PCDHGA3: variants seen among roughly 807,000 people sequenced by gnomAD.
PCDHGA3 encodes the protein protocadherin gamma subfamily A, 3, also known as protocadherin gamma-A3.
In PCDHGA3, 40 loss-of-function variants were observed where a neutral mutation model predicts 58.5. The ratio of observed to expected loss-of-function variants is 0.68; its 90% CI spans 0.53 to 0.89. PCDHGA3 has a LOEUF of 0.89. Among genes scored for constraint, PCDHGA3 ranks in the 40% least tolerant of loss-of-function variants. PCDHGA3 has a pLI of 0.00. For synonymous variants in PCDHGA3, 530 were observed against 525.7 expected, an observed-to-expected ratio of 1.01 and a Z score of -0.11; for missense variants, 1,223 against 1,195.9, an observed-to-expected ratio of 1.02 and a Z score of -0.33.
chr5:141,382,530 G>T (rs1043069134), intron 1 of PCDHGA3, among the ~76,000 whole-genome samples: 2 of 152,150 alleles, frequency 1.3e-5, no homozygotes, highest in Non-Finnish European at 2.9e-5. Context: ...GTCTTAAAAT[G>T]GATTTTTAAT....
At chr5:141,356,527 A>T in intron 1 of PCDHGA3, 1 of 1,614,104 alleles carries the variant, frequency 6.2e-7, no homozygotes, top group Non-Finnish European at 8.5e-7. Flanking sequence ...ACTGCAAGTG[A>T]TGGACATCAA....
At chr5:141,385,430 A>G (rs1781192913) in intron 1 of PCDHGA3, 1 of 1,458,668 alleles carries the variant, frequency 6.9e-7, no homozygotes. Context: ...AAAACTTTAT[A>G]GAGGTAAAAA....
At chr5:141,389,605 A>T in intron 1 of PCDHGA3, 1 of 1,613,092 alleles carries the variant, frequency 6.2e-7, no homozygotes, top group Non-Finnish European at 8.5e-7. Context: ...GCGCTCTTCG[A>T]TATGGTGCCG....
chr5:141,371,774 T>A, intron 1 of PCDHGA3: 1 of 1,614,000 alleles, frequency 6.2e-7, no homozygotes, highest in Non-Finnish European at 8.5e-7. Flanking sequence ...ACACCGTGCA[T>A]GTAGCTGAGA....
rs1195316502 is a variant in PCDHGA3 at position 141,431,006 on chromosome 5, A to G, written c.2425-63801A>G. 1.2e-6 allele frequency: 2 copies of G among 1,614,116 alleles called. No individual in the cohort carries two copies. Among genetic ancestry groups the G allele is most frequent in the South Asian group, 2.2e-5 (2 of 91,078 alleles). ...TTTCGCCCTGAATCCGCGCAGCGGC[A>G]GCTTGGTCACGGCGGGCAGGATAGA... On this transcript the variant is annotated intron_variant, in intron 1 of 3. Transcript: ENST00000253812. The surrounding 1 kb of genome is among the most constrained non-coding windows in gnomAD (Gnocchi z 4.8).
intron 1 of PCDHGA3, chr5:141,356,934 AC>A (rs1375137728): frequency 1.2e-6 from 2 of 1,613,894 alleles, no homozygotes; most frequent in African/African-American, 2.7e-5. Context: ...TGGAGCTGGC[AC>A]CCCGCTCCGC....
Position 141,477,102 on chromosome 5 carries a change from C to T in PCDHGA3, c.2425-17705C>T. 2.5e-6 allele frequency: 4 copies of T among 1,614,232 alleles called. No homozygotes were observed. The South Asian group carries it at 4.4e-5, about 18-fold the overall frequency. On this transcript the variant is annotated intron_variant, in intron 1 of 3. Coordinates refer to ENST00000253812, the MANE Select transcript of PCDHGA3 (RefSeq NM_018916.4). This position sits in a 1 kb window ranked among gnomAD's most constrained non-coding sequence, Gnocchi z 4.9. Reference sequence around the variant, plus strand: ...TACATCCAGGCCAAAGACAAGGGCGCCAATCCCGAAGGAGCACATTGCAAA... The same window carrying T: ...TACATCCAGGCCAAAGACAAGGGCGTCAATCCCGAAGGAGCACATTGCAAA...
chr5:141,419,375 T>G (rs755252910), intron 1 of PCDHGA3: 1 of 1,613,728 alleles, frequency 6.2e-7, no homozygotes, highest in Admixed American at 1.7e-5. Context: ...GTCCTACGTG[T>G]CCGTGAGCGC....
chr5:141,415,739 G>A, intron 1 of PCDHGA3: 4 of 434,948 alleles, frequency 9.2e-6, no homozygotes, highest in Non-Finnish European at 1.3e-5. Context: ...TGTTTATTAA[G>A]GTTTTTTTTT....
At chr5:141,379,592 TACCTGTGACCATTTCATTTAA>T (rs1451558055) in intron 1 of PCDHGA3, 2 of 152,236 alleles carry the variant, frequency 1.3e-5, no homozygotes, top group East Asian at 3.8e-4. Flanking sequence ...ATTCTCTTAT[TACCTGTGACCATTTCATTTAA>T]ACAAATAAAA....
At chr5:141,369,716 T>C (rs1229829600) in intron 1 of PCDHGA3, among the ~76,000 whole-genome samples, 1 of 152,218 alleles carries the variant, frequency 6.6e-6, no homozygotes, top group Non-Finnish European at 1.5e-5. Flanking sequence ...TTATAACTTT[T>C]AGAAGTTAGA....
intron 1 of PCDHGA3, chr5:141,384,711 G>T (rs765373675): frequency 2.5e-6 from 4 of 1,614,160 alleles, no homozygotes; most frequent in Non-Finnish European, 3.4e-6. Flanking sequence ...ACGCCTGGCT[G>T]TCATACCTCC....
chr5:141,491,783 A>C lies in PCDHGA3; in HGVS notation c.2425-3024A>C. 1 of 1,539,736 alleles carries C rather than the reference A, an allele frequency of 6.5e-7. No individual in the cohort carries two copies. The highest frequency in any genetic ancestry group is 1.2e-5 in the South Asian group (1 of 82,444). On this transcript the variant is annotated intron_variant, in intron 1 of 3. Coordinates refer to ENST00000253812, the MANE Select transcript of PCDHGA3 (RefSeq NM_018916.4). The surrounding 1 kb of genome is among the most constrained non-coding windows in gnomAD (Gnocchi z 6.9). ...CGTCCTCATAAGGGATTGAACTTGC[A>C]TCCACTCCTCTCCGGCCGGCTTGGT...
At chr5:141,421,788 G>C (rs1262781272) in intron 1 of PCDHGA3, 7 of 1,613,682 alleles carry the variant, frequency 4.3e-6, no homozygotes, top group Admixed American at 3.3e-5. Flanking sequence ...GGGGCAGAAC[G>C]GATGGGGCCA....
chr5:141,375,487 T>G, intron 1 of PCDHGA3: 1 of 1,613,830 alleles, frequency 6.2e-7, no homozygotes, highest in Non-Finnish European at 8.5e-7. Context: ...ACCCCAGGGG[T>G]GCCTCCATCT....
rs1348646863 is a variant in PCDHGA3 at position 141,356,379 on chromosome 5, A to T, written c.2424+9922A>T. The T allele has an allele frequency of 9.6e-6, 15 of 1,565,488 alleles. No individual in the cohort carries two copies. In the East Asian group the frequency reaches 3.6e-4, roughly 37 times the overall value. ...CTATTCCAGATAATCTGCCATTCAC[A>T]CTTGAAAAGACCTATGGAAATTATT... On this transcript the variant is annotated intron_variant, in intron 1 of 3. Transcript: ENST00000253812.
At position 141,431,317 on chromosome 5, in the gene PCDHGA3, C is replaced by T. The variant is rs778667104; in HGVS notation, c.2425-63490C>T. ...TCTCCCTCATCGTGCAAAATGGAGC[C>T]GACGGTAGTAAGTACCCCGAATTGG... On this transcript the variant is annotated intron_variant, in intron 1 of 3. Coordinates refer to ENST00000253812, the MANE Select transcript of PCDHGA3 (RefSeq NM_018916.4). This position sits in a 1 kb window ranked among gnomAD's most constrained non-coding sequence, Gnocchi z 4.8. The T allele has an allele frequency of 6.2e-6, 10 of 1,613,964 alleles. No homozygotes were observed. The highest frequency in any genetic ancestry group is 7.6e-6 in the Non-Finnish European group (9 of 1,180,046).
At chr5:141,449,380 G>C (rs1011160817) in intron 1 of PCDHGA3, among the ~76,000 whole-genome samples, 3 of 151,950 alleles carry the variant, frequency 2.0e-5, no homozygotes, top group African/African-American at 7.3e-5. Flanking sequence ...GCTGAGGCAG[G>C]TGGATTACTT....
intron 1 of PCDHGA3, chr5:141,400,218 G>C (rs2093982352): frequency 6.2e-7 from 1 of 1,613,932 alleles, no homozygotes; most frequent in Admixed American, 1.7e-5. Context: ...TGATCTCAGT[G>C]CTCTTCCTCC....
Sources: gnomAD v4.1 joint callset for allele counts (sites outside exome capture counted in the v4.1 genomes callset) on GRCh38, gnomAD v4.1.1 for gene constraint, Gnocchi (gnomAD v3.1) non-coding constraint, MANE v1.5 for transcripts, NCBI Gene and HGNC (gene_info 2026-07-23, HGNC 2026-07-21) for gene names.